Variants in BCAP29 observed in about 807,000 individuals in gnomAD.
The protein encoded by BCAP29 is B-cell receptor-associated protein 29.
A neutral mutation model predicts 31.8 loss-of-function variants in BCAP29; 34 were observed. The ratio of observed to expected loss-of-function variants is 1.07; its 90% CI spans 0.81 to 1.42. BCAP29 has a LOEUF of 1.42. Ranked by LOEUF, BCAP29 falls within the 40% of genes most tolerant of loss-of-function variation. The pLI, the probability that BCAP29 is intolerant of heterozygous loss-of-function variation, is 0.00. For missense variants in BCAP29, 314 were observed against 269.2 expected, an observed-to-expected ratio of 1.17 and a Z score of -1.16; for synonymous variants, 104 against 91.3, an observed-to-expected ratio of 1.14 and a Z score of -0.79.
intron 6 of BCAP29, among the ~76,000 whole-genome samples, chr7:107,601,301 T>C (rs1811133352): frequency 6.6e-6 from 1 of 152,114 alleles, no homozygotes. Context: ...TCACTTTCAG[T>C]TGGTGTTAAG....
At chr7:107,611,301 T>A (rs1180282264) in intron 6 of BCAP29, among the ~76,000 whole-genome samples, 2 of 152,118 alleles carry the variant, frequency 1.3e-5, no homozygotes, top group Admixed American at 1.3e-4. Context: ...GGGCAGTGGC[T>A]CACAACTGTA....
chr7:107,596,922 ATTCT>A (rs1389712823), intron 5 of BCAP29, among the ~76,000 whole-genome samples: 4 of 152,134 alleles, frequency 2.6e-5, no homozygotes, highest in Non-Finnish European at 5.9e-5. Context: ...TGCGTGATTT[ATTCT>A]TTCTGTTTGT....
intron 1 of BCAP29, chr7:107,580,532 C>T: frequency 2.2e-6 from 1 of 448,448 alleles, no homozygotes; most frequent in Non-Finnish European, 3.9e-6. Flanking sequence ...GCGGAAAAGG[C>T]AGTGGCCAGC....
At chr7:107,591,766 A>T (rs930342222) in intron 3 of BCAP29, among the ~76,000 whole-genome samples, 18 of 151,830 alleles carry the variant, frequency 1.2e-4, no homozygotes, top group Non-Finnish European at 2.5e-4. Context: ...ACTATGAGGG[A>T]TTCTTGCCAA....
chr7:107,612,380 A>C (rs1813271960), intron 6 of BCAP29, among the ~76,000 whole-genome samples: 1 of 120,860 alleles, frequency 8.3e-6, no homozygotes. Flanking sequence ...CCTTCTTCAC[A>C]ATGTATTGTT....
rs190258780 is a variant in BCAP29 at position 107,580,875 on chromosome 7, T to C, written c.92+11T>C. ...TATTCCTCCTCAGAGGTAGGAAACC[T>C]TCAAATCGTTAACTAATAAATATTG... On this transcript the variant is annotated intron_variant, in intron 2 of 7. Transcript: ENST00000005259. The C allele has an allele frequency of 2.0e-4, 306 of 1,555,284 alleles. 2 individuals carry two copies. In the African/African-American group the frequency reaches 3.4e-3, roughly 17 times the overall value.
At chr7:107,621,915 C>T (rs771012504), downstream of BCAP29, 20 of 533,950 alleles carry the variant, frequency 3.7e-5, no homozygotes, top group Middle Eastern at 3.2e-4. Context: ...TAAATTAATA[C>T]AGGAGCATGC....
chr7:107,607,267 A>C (rs904998182), intron 6 of BCAP29, among the ~76,000 whole-genome samples: 1 of 152,236 alleles, frequency 6.6e-6, no homozygotes, highest in Admixed American at 6.5e-5. Flanking sequence ...CAGTGATCCA[A>C]GATTGTGCCA....
chr7:107,599,513 C>T (rs2129252673), intron 5 of BCAP29, among the ~76,000 whole-genome samples: 2 of 138,904 alleles, frequency 1.4e-5, no homozygotes, highest in East Asian at 4.1e-4. Context: ...GAGTGAGACC[C>T]TGTTTCTTAA....
chr7:107,580,687 G>C (rs1806459548), intron 1 of BCAP29, 72 bp from the exon 2 acceptor site: 4 of 1,035,308 alleles, frequency 3.9e-6, no homozygotes, highest in Non-Finnish European at 5.8e-6. Context: ...GGACAAAAAC[G>C]CTGCGCCTCG....
intron 2 of BCAP29, 105 bp from the exon 3 acceptor site, chr7:107,583,777 T>G: frequency 2.0e-6 from 1 of 499,186 alleles, no homozygotes; most frequent in Non-Finnish European, 3.5e-6. Context: ...TTTCTGTAAT[T>G]TTCACTTGCT....
intron 7 of BCAP29, chr7:107,615,544 C>T (rs946715520): frequency 2.0e-5 from 6 of 297,416 alleles, no homozygotes; most frequent in East Asian, 7.8e-5. Context: ...TGCAGTGAGC[C>T]GAGATCGCGC....
chr7:107,589,785 A>G (rs1428332310), intron 3 of BCAP29, among the ~76,000 whole-genome samples: 1 of 152,210 alleles, frequency 6.6e-6, no homozygotes, highest in Non-Finnish European at 1.5e-5. Context: ...TTGAAGTCCT[A>G]CCAAGGATTG....
intron 6 of BCAP29, among the ~76,000 whole-genome samples, chr7:107,609,955 AAC>A (rs1248735806): frequency 1.3e-5 from 2 of 152,182 alleles, no homozygotes; most frequent in African/African-American, 4.8e-5. Context: ...TGCCTCTAAA[AAC>A]TTCCATTTCC....
chr7:107,583,910 T>G lies in BCAP29; in HGVS notation c.121T>G (p.Trp41Gly). 6.3e-7 allele frequency: 1 copy of G among 1,581,174 alleles called. No individual in the cohort carries two copies. The highest frequency in any genetic ancestry group is 1.8e-5 in the Admixed American group (1 of 56,744). Residue 41 changes from tryptophan to glycine, a missense_variant, in exon 3 of 8, where the codon TGG becomes GGG. Trp to Gly is a radical substitution (Grantham distance 184). Coordinates refer to ENST00000005259, the MANE Select transcript of BCAP29 (RefSeq NM_018844.4). ...GCAGAAGATTTTTTCATTTAATGTC[T>G]GGGGTAAAATTGCAACTTTTTGGAA... ...RWQKIFSFNV[W>G]GKIATFWNKA...
At chr7:107,621,423 C>G (rs1395107183), downstream of BCAP29, 4 of 212,012 alleles carry the variant, frequency 1.9e-5, no homozygotes, top group African/African-American at 9.3e-5. Flanking sequence ...AACTTTATTA[C>G]TTGCACCAGA....
intron 6 of BCAP29, among the ~76,000 whole-genome samples, chr7:107,601,038 C>G (rs1811087196): frequency 6.6e-6 from 1 of 152,002 alleles, no homozygotes; most frequent in South Asian, 2.1e-4. Flanking sequence ...GCAGTGTAGG[C>G]TTGAAGTGGA....
chr7:107,606,485 T>A (rs1419342622), intron 6 of BCAP29, among the ~76,000 whole-genome samples: 1 of 152,216 alleles, frequency 6.6e-6, no homozygotes, highest in Non-Finnish European at 1.5e-5. Flanking sequence ...TCTTCACTTT[T>A]GAAGAATGTT....
intron 6 of BCAP29, among the ~76,000 whole-genome samples, chr7:107,601,398 TAGAAC>T (rs1811150528): frequency 6.6e-6 from 1 of 152,184 alleles, no homozygotes; most frequent in African/African-American, 2.4e-5. Context: ...ATTCTGTGAA[TAGAAC>T]AGAAATCCAC....
Sources: gnomAD v4.1 joint callset for allele counts (sites outside exome capture counted in the v4.1 genomes callset) on GRCh38, gnomAD v4.1.1 for gene constraint, MANE v1.5 for transcripts, NCBI Gene and HGNC (gene_info 2026-07-23, HGNC 2026-07-21) for gene names.